The following ROBO1 variants were observed in gnomAD, a reference collection of about 807,000 sequenced individuals.
ROBO1 encodes roundabout homolog 1.
In ROBO1, 149 loss-of-function variants were observed where a neutral mutation model predicts 195.9. That is an observed-to-expected ratio of 0.76 (90% confidence interval 0.67 to 0.87). ROBO1 has a LOEUF of 0.87. Among genes scored for constraint, ROBO1 ranks in the 40% least tolerant of loss-of-function variants. The pLI, the probability that ROBO1 is intolerant of heterozygous loss-of-function variation, is 0.00. For synonymous variants in ROBO1, 816 were observed against 733.2 expected, an observed-to-expected ratio of 1.11 and a Z score of -1.82; for missense variants, 1,933 against 2,068.3, an observed-to-expected ratio of 0.93 and a Z score of 1.27.
chr3:78,843,693 A>G (rs974986588), intron 4 of ROBO1, among the ~76,000 whole-genome samples: 2 of 152,142 alleles, frequency 1.3e-5, no homozygotes, highest in African/African-American at 4.8e-5. Context: ...TACAATGCAA[A>G]GCTAACTTTC....
Position 79,640,991 on chromosome 3 carries a change from G to A in ROBO1, c.-50-51030C>T, listed in dbSNP as rs541838351. On this transcript the variant is annotated intron_variant, in intron 1 of 30. Coordinates refer to ENST00000464233, the MANE Select transcript of ROBO1 (RefSeq NM_002941.4). ...TATCTTTACCAAGATGTCTGAGACT[G>A]GTTCCAATAACTGAAATTAAACTCA... Among the ~76,000 whole-genome samples, 5 of 152,070 alleles carry A rather than the reference G, an allele frequency of 3.3e-5. No homozygotes were observed. In the South Asian group the frequency reaches 1.0e-3, roughly 32 times the overall value.
chr3:79,716,587 T>G (rs984137482), intron 1 of ROBO1, among the ~76,000 whole-genome samples: 5 of 151,970 alleles, frequency 3.3e-5, no homozygotes, highest in African/African-American at 9.7e-5. Context: ...ATATTTTAGT[T>G]GTGGCATAGA....
At chr3:78,659,905 A>AG in intron 16 of ROBO1, 98 bp from the exon 17 acceptor site, 1 of 777,910 alleles carries the variant, frequency 1.3e-6, no homozygotes, top group Non-Finnish European at 1.9e-6. Context: ...TATTAATACT[A>AG]TATCAATATA....
intron 2 of ROBO1, among the ~76,000 whole-genome samples, chr3:79,236,142 A>T (rs78247687): frequency 6.6e-6 from 1 of 152,104 alleles, no homozygotes; most frequent in South Asian, 2.1e-4. Context: ...AGCAATATGA[A>T]CACACGTATG....
At chr3:78,712,029 A>C (rs141113897) in intron 8 of ROBO1, among the ~76,000 whole-genome samples, 1 of 101,072 alleles carries the variant, frequency 9.9e-6, no homozygotes, top group African/African-American at 3.6e-5. Context: ...AAAAAAAAAA[A>C]AAAAAAAAAA....
intron 2 of ROBO1, among the ~76,000 whole-genome samples, chr3:79,213,398 G>A (rs1338640063): frequency 6.6e-6 from 1 of 152,138 alleles, no homozygotes; most frequent in East Asian, 1.9e-4. Context: ...TAAAATTGCA[G>A]AAGTTTAGTG....
At chr3:79,391,889 G>A (rs950198635) in intron 2 of ROBO1, among the ~76,000 whole-genome samples, 1 of 152,132 alleles carries the variant, frequency 6.6e-6, no homozygotes, top group Non-Finnish European at 1.5e-5. Flanking sequence ...ATGAACTATA[G>A]TTCCCAAAAG....
chr3:79,371,207 C>T (rs374361176), intron 2 of ROBO1, among the ~76,000 whole-genome samples: 13 of 152,082 alleles, frequency 8.5e-5, no homozygotes, highest in East Asian at 1.9e-4. Context: ...TAACCAGTAA[C>T]GAGATTACTG....
At chr3:79,204,524 C>T (rs530787449) in intron 2 of ROBO1, among the ~76,000 whole-genome samples, 28 of 152,022 alleles carry the variant, frequency 1.8e-4, no homozygotes, top group Non-Finnish European at 3.1e-4. Context: ...ATATGTGTTC[C>T]GTCATAGCCT....
At chr3:79,415,162 A>G (rs2037946831) in intron 2 of ROBO1, among the ~76,000 whole-genome samples, 1 of 152,124 alleles carries the variant, frequency 6.6e-6, no homozygotes, top group Admixed American at 6.6e-5. Context: ...TCATTCAACA[A>G]ATATTTTCTG....
intron 25 of ROBO1, among the ~76,000 whole-genome samples, chr3:78,630,384 A>T (rs915812535): frequency 6.6e-6 from 1 of 152,234 alleles, no homozygotes; most frequent in Non-Finnish European, 1.5e-5. Flanking sequence ...TTTTATAAAA[A>T]GATTATTAGA....
At chr3:78,789,160 T>C (rs755633599) in intron 4 of ROBO1, among the ~76,000 whole-genome samples, 1 of 152,144 alleles carries the variant, frequency 6.6e-6, no homozygotes, top group Non-Finnish European at 1.5e-5. Flanking sequence ...AGACTACCCA[T>C]AACTAAAATT....
intron 2 of ROBO1, among the ~76,000 whole-genome samples, chr3:79,471,595 C>T (rs1938273362): frequency 6.6e-6 from 1 of 152,034 alleles, no homozygotes; most frequent in Admixed American, 6.6e-5. Flanking sequence ...TGGTTTACTC[C>T]TATAAAAAAT....
At chr3:78,633,716 G>A (rs573043406) in intron 24 of ROBO1, among the ~76,000 whole-genome samples, 26 of 152,156 alleles carry the variant, frequency 1.7e-4, no homozygotes, top group Non-Finnish European at 3.7e-4. Flanking sequence ...TAACAAGGAA[G>A]AAAATAGGAC....
chr3:79,232,635 C>T (rs1228238713), intron 2 of ROBO1, among the ~76,000 whole-genome samples: 2 of 152,024 alleles, frequency 1.3e-5, no homozygotes, highest in African/African-American at 4.8e-5. Flanking sequence ...AAAAATAAAT[C>T]CCATCCACAA....
intron 4 of ROBO1, among the ~76,000 whole-genome samples, chr3:78,861,575 T>G (rs921877706): frequency 6.6e-6 from 1 of 152,202 alleles, no homozygotes; most frequent in Admixed American, 6.6e-5. Flanking sequence ...CTTCGGAAAA[T>G]GCCACTTCCT....
At chr3:78,964,512 C>G (rs946775839) in intron 3 of ROBO1, among the ~76,000 whole-genome samples, 1 of 152,192 alleles carries the variant, frequency 6.6e-6, no homozygotes, top group East Asian at 1.9e-4. Context: ...AAAAAAAAGG[C>G]TTTTTGTTCT....
At chr3:78,742,392 TAAAA>T (rs574243277) in intron 5 of ROBO1, among the ~76,000 whole-genome samples, 1 of 148,928 alleles carries the variant, frequency 6.7e-6, no homozygotes, top group Non-Finnish European at 1.5e-5. Flanking sequence ...TTTTCACTAT[TAAAA>T]AAAAAACTGG....
intron 8 of ROBO1, among the ~76,000 whole-genome samples, chr3:78,696,395 C>T (rs1575956193): frequency 6.6e-6 from 1 of 151,988 alleles, no homozygotes; most frequent in East Asian, 1.9e-4. Flanking sequence ...ACTTCTTTTG[C>T]ATGAGAAAAC....
Sources: allele counts gnomAD v4.1 joint callset (sites outside exome capture counted in the v4.1 genomes callset), GRCh38; gene constraint gnomAD v4.1.1; transcripts MANE v1.5; gene names NCBI Gene and HGNC (gene_info 2026-07-23, HGNC 2026-07-21).